SEPTIN8: variants seen among roughly 807,000 people sequenced by gnomAD.
The protein encoded by SEPTIN8 is septin 8.
SEPTIN8 carries 22 observed loss-of-function variants against 53.1 expected under a neutral mutation model. That is an observed-to-expected ratio of 0.41 (90% CI 0.30 to 0.59). The LOEUF is 0.59. Among genes scored for constraint, SEPTIN8 ranks in the 20% least tolerant of loss-of-function variants. SEPTIN8 has a pLI of 0.24. For missense variants in SEPTIN8, 536 were observed against 638.7 expected (o/e 0.84, Z 1.73); for synonymous variants, 228 against 248.4 (o/e 0.92, Z 0.77).
At chr5:132,779,222 G>C (rs901881264), upstream of SEPTIN8, among the ~76,000 whole-genome samples, 1 of 152,152 alleles carries the variant, frequency 6.6e-6, no homozygotes, top group Non-Finnish European at 1.5e-5. Context: ...ATCTATGAGG[G>C]CTCAAAAGGT....
rs1181252181 is a variant in SEPTIN8 at position 132,751,192 on chromosome 5, C to T, written c.*824G>A. ...AATCCAACACAGTTCCACCAGACTC[C>T]CACTTCTAAAGGACATTAAATTAAC... On this transcript the variant is annotated 3_prime_UTR_variant, in exon 10 of 10. Transcript: ENST00000378719. The T allele has an allele frequency of 1.4e-5, 7 of 510,412 alleles. No homozygotes were observed. Among genetic ancestry groups the T allele is most frequent in the Non-Finnish European group, 2.3e-5 (7 of 300,666 alleles). The allele number at this position is 510,412 out of a possible 1,614,324, so 31.6% of individuals were successfully genotyped here.
intron 1 of SEPTIN8, among the ~76,000 whole-genome samples, chr5:132,774,703 G>A (rs1287665467): frequency 6.6e-6 from 1 of 152,152 alleles, no homozygotes; most frequent in Non-Finnish European, 1.5e-5. Context: ...TCCAGGTCAG[G>A]ACAATTCTCA....
intron 9 of SEPTIN8, chr5:132,758,639 G>GC (rs2149960206): frequency 6.3e-7 from 1 of 1,592,592 alleles, no homozygotes; most frequent in East Asian, 2.3e-5. Context: ...GGCCCGCCAG[G>GC]CCCGGGGCAG....
At position 132,765,372 on chromosome 5, in the gene SEPTIN8, A is replaced by G. The variant is rs578110263; in HGVS notation, c.151+37T>C. 7 of 1,610,044 alleles carry G rather than the reference A, an allele frequency of 4.3e-6. No homozygotes were observed. In the East Asian group the frequency reaches 1.6e-4, roughly 36 times the overall value. On this transcript the variant is annotated intron_variant, in intron 2 of 9. Coordinates refer to ENST00000378719, the MANE Select transcript of SEPTIN8 (RefSeq NM_001098811.2). Reference sequence around the variant, plus strand: ...GCACCCCCTCTCCCAGGAGGTTCTCACCCACCCTCTGTCTGAGGCCAGGCC... The same window carrying G: ...GCACCCCCTCTCCCAGGAGGTTCTCGCCCACCCTCTGTCTGAGGCCAGGCC...
upstream of SEPTIN8, chr5:132,778,263 C>G (rs1757953000): frequency 1.1e-5 from 2 of 178,088 alleles, no homozygotes; most frequent in African/African-American, 2.4e-5. Context: ...CCAGGTTGGT[C>G]CACCCTCCAC....
At chr5:132,772,611 G>T (rs1469499378) in intron 1 of SEPTIN8, among the ~76,000 whole-genome samples, 1 of 152,246 alleles carries the variant, frequency 6.6e-6, no homozygotes, top group Non-Finnish European at 1.5e-5. Flanking sequence ...GAGGGAGAAT[G>T]TGGGCAGCAA....
intron 1 of SEPTIN8, among the ~76,000 whole-genome samples, chr5:132,767,910 G>A (rs985859555): frequency 6.9e-6 from 1 of 144,754 alleles, no homozygotes; most frequent in African/African-American, 2.5e-5. Flanking sequence ...GTAGTCTGCC[G>A]CCAAACCCCA....
chr5:132,769,656 G>C (rs558913126), intron 1 of SEPTIN8, among the ~76,000 whole-genome samples: 80 of 152,154 alleles, frequency 5.3e-4, no homozygotes, highest in Non-Finnish European at 1.0e-3. Context: ...TGAGACAATA[G>C]AGGCATCAAG....
Position 132,766,392 on chromosome 5 carries a change from C to T in SEPTIN8, c.31-863G>A, listed in dbSNP as rs377042714. On this transcript the variant is annotated intron_variant, in intron 1 of 9. Transcript: ENST00000378719. ...CGGCAGGCCCCGAGTGAGCTGGGGC[C>T]ACTGGAGGTGGCCCACCGCTCTATA... Among the ~76,000 whole-genome samples the T allele has an allele frequency of 2.0e-5, 3 of 152,284 alleles. No homozygotes were observed. The South Asian group carries it at 6.2e-4, about 32-fold the overall frequency.
At chr5:132,765,809 T>C (rs1349614302) in intron 1 of SEPTIN8, among the ~76,000 whole-genome samples, 1 of 152,192 alleles carries the variant, frequency 6.6e-6, no homozygotes, top group Non-Finnish European at 1.5e-5. Context: ...CCATGTCTCC[T>C]GGCATAGGTG....
rs57250316 is a variant in SEPTIN8, at chr5:132,757,720, C to G, written c.1286+3082G>C. The stretch of plus-strand genomic sequence containing the variant: ...TTCTCAACACTGACATTCTTGGTGG[C>G]TTGTAAACCAACAGGAGCATAGAAG... On this transcript the variant is annotated intron_variant, in intron 9 of 9. Transcript: ENST00000378719. The G allele has an allele frequency of 2.3e-3, 2,310 of 985,412 alleles. 51 individuals carry two copies. In the African/African-American group the frequency reaches 0.037, roughly 16 times the overall value. 61.0% of individuals were successfully genotyped at this position (985,412 alleles called of 1,614,324 possible).
rs1190745915 is a variant in SEPTIN8, at chr5:132,751,137, TGACATACGGAA to T, written c.*868_*878del. On this transcript the variant is annotated 3_prime_UTR_variant, in exon 10 of 10. Coordinates refer to ENST00000378719, the MANE Select transcript of SEPTIN8 (RefSeq NM_001098811.2). ...ACAGTGAGGTGACGCACAAGGCTCA[TGACATACGGAA>T]GAGTGAAAAGGTATCTTAAATCCAA... 4.2e-5 allele frequency: 37 copies of T among 881,076 alleles called. No homozygotes were observed. The Admixed American group carries it at 8.9e-4, about 21-fold the overall frequency. The allele number at this position is 881,076 out of a possible 1,614,324, so 54.6% of individuals were successfully genotyped here. A position where few individuals can be genotyped will look rare whatever the true frequency, so the allele number is the denominator to read the frequency against.
intron 9 of SEPTIN8, chr5:132,752,931 A>G: frequency 6.2e-7 from 1 of 1,614,162 alleles, no homozygotes; most frequent in Non-Finnish European, 8.5e-7. Flanking sequence ...GTCTTCAGTC[A>G]TCCTCCTGCA....
chr5:132,774,828 C>T (rs1023619885), intron 1 of SEPTIN8, among the ~76,000 whole-genome samples: 2 of 152,180 alleles, frequency 1.3e-5, no homozygotes, highest in Admixed American at 6.5e-5. Context: ...AAACATGCCA[C>T]GGACTGCAAT....
chr5:132,771,837 C>T (rs190898823), intron 1 of SEPTIN8, among the ~76,000 whole-genome samples: 1 of 149,416 alleles, frequency 6.7e-6, no homozygotes, highest in East Asian at 2.0e-4. Flanking sequence ...AGCCTCTAAG[C>T]CCAGGTCAGA....
Position 132,760,943 on chromosome 5 carries a change from C to A in SEPTIN8, c.1145G>T (p.Arg382Leu). 2 of 1,598,218 alleles carry A rather than the reference C, an allele frequency of 1.3e-6. No individual in the cohort carries two copies. Among genetic ancestry groups the A allele is most frequent in the Admixed American group, 1.7e-5 (1 of 57,312 alleles). ...HLKRVHQEEK[R>L]KVEEKRRELE... ...TTCCCGGCGCTTTTCCTCCACCTTG[C>A]GCTTCTCCTCCTGGTGGACCCGCTT... is the stretch of plus-strand genomic sequence containing the variant. The change falls in exon 9 of 10, where the codon CGC (arginine) becomes CTC (leucine). Residue 382 changes from arginine to leucine, a missense_variant. This residue lies in a region of SEPTIN8 where 133 missense variants were observed against 157.4 expected (regional missense o/e 0.84). Transcript: ENST00000378719. The surrounding 1 kb of genome is among the most constrained non-coding windows in gnomAD (Gnocchi z 5.2).
At position 132,751,106 on chromosome 5, in the gene SEPTIN8, T is replaced by G. The variant is rs760058401; in HGVS notation, c.*910A>C. 3.2e-6 allele frequency: 4 copies of G among 1,257,996 alleles called. No homozygotes were observed. Among genetic ancestry groups the G allele is most frequent in the Non-Finnish European group, 4.4e-6 (4 of 899,330 alleles). The allele number at this position is 1,257,996 out of a possible 1,614,324, so 77.9% of individuals were successfully genotyped here. A position where few individuals can be genotyped will look rare whatever the true frequency, so the allele number is the denominator to read the frequency against. ...ACAGGCGTGCACACGCCCTTGCACA[T>G]GCACCACAGTGAGGTGACGCACAAG... On this transcript the variant is annotated 3_prime_UTR_variant, in exon 10 of 10. Coordinates refer to ENST00000378719, the MANE Select transcript of SEPTIN8 (RefSeq NM_001098811.2).
At chr5:132,757,091 C>T (rs1755410513) in intron 9 of SEPTIN8, 2 of 985,354 alleles carry the variant, frequency 2.0e-6, no homozygotes, top group Non-Finnish European at 2.4e-6. Flanking sequence ...TTTTCAATTG[C>T]AACCAGATAC....
At chr5:132,763,635 T>C (rs1027850644) in intron 4 of SEPTIN8, 71 bp downstream of exon 4, 13 of 1,451,200 alleles carry the variant, frequency 9.0e-6, no homozygotes, top group Non-Finnish European at 1.2e-5. Context: ...TGTTCAGGCA[T>C]GAGGCAGCCA....
Sources: allele counts gnomAD v4.1 joint callset (sites outside exome capture counted in the v4.1 genomes callset), GRCh38; gene constraint gnomAD v4.1.1; regional missense constraint gnomAD v4.1.1; non-coding constraint Gnocchi (gnomAD v3.1); transcripts MANE v1.5; gene names NCBI Gene and HGNC (gene_info 2026-07-23, HGNC 2026-07-21).